The following LYRM9 variants were observed in gnomAD, a reference collection of about 807,000 sequenced individuals.
LYRM9 encodes LYR motif containing 9, also known as LYR motif-containing protein 9.
In LYRM9, 14 loss-of-function variants were observed where a neutral mutation model predicts 12.6. The ratio of observed to expected loss-of-function variants is 1.11; its 90% CI spans 0.73 to 1.73. LYRM9 has a LOEUF of 1.73. Among genes scored for constraint, LYRM9 ranks in the 40% most tolerant of loss-of-function variants. The pLI, the probability that LYRM9 is intolerant of heterozygous loss-of-function variation, is 0.00. For synonymous variants in LYRM9, 42 were observed against 35.1 expected (o/e 1.20, Z -0.69); for missense variants, 94 against 95.0 (o/e 0.99, Z 0.04).
At chr17:27,880,193 A>C (rs1357212200) in intron 3 of LYRM9, 81 bp downstream of exon 3, 5 of 1,063,666 alleles carry the variant, frequency 4.7e-6, no homozygotes. Context: ...ACTGTGGGGC[A>C]GGAGTGGCCT....
At chr17:27,888,954 C>T (rs1905328173) in intron 1 of LYRM9, among the ~76,000 whole-genome samples, 1 of 152,182 alleles carries the variant, frequency 6.6e-6, no homozygotes, top group Non-Finnish European at 1.5e-5. Flanking sequence ...CTTCCCTCAC[C>T]TCCTCCCAAG....
intron 1 of LYRM9, 189 bp from the exon 2 acceptor site, chr17:27,882,901 G>A (rs1256862959): frequency 5.8e-6 from 4 of 690,462 alleles, no homozygotes; most frequent in Non-Finnish European, 1.1e-5. Flanking sequence ...CCCAGAGCAG[G>A]CCCACAAGAC....
At chr17:27,893,157 CA>C (rs922239345) in intron 1 of LYRM9, 159 bp downstream of exon 1, 6 of 152,258 alleles carry the variant, frequency 3.9e-5, no homozygotes, top group African/African-American at 1.4e-4. Flanking sequence ...GCGCAGACCG[CA>C]AGGGAAAAGG....
Position 27,886,818 on chromosome 17 carries a change from G to A in LYRM9, c.-18-4106C>T, listed in dbSNP as rs1221076555. 4.6e-5 allele frequency among the ~76,000 whole-genome samples: 7 copies of A among 151,780 alleles called. No individual in the cohort carries two copies. The highest frequency in any genetic ancestry group is 8.8e-5 in the Non-Finnish European group (6 of 67,948). On this transcript the variant is annotated intron_variant, in intron 1 of 3. Transcript: ENST00000379102. The surrounding 1 kb of genome is among the most constrained non-coding windows in gnomAD (Gnocchi z 4.8). ...ATGCCACCACACCCAGCTAATTTTC[G>A]TATTTTTAGTAGAGATGGGGTTTCT...
At chr17:27,889,767 G>C (rs888076395) in intron 1 of LYRM9, among the ~76,000 whole-genome samples, 1 of 152,130 alleles carries the variant, frequency 6.6e-6, no homozygotes, top group South Asian at 2.1e-4. Flanking sequence ...TAAAGACAAA[G>C]AGAAAGACAG....
At chr17:27,888,710 T>C in intron 1 of LYRM9, among the ~76,000 whole-genome samples, 1 of 152,196 alleles carries the variant, frequency 6.6e-6, no homozygotes, top group East Asian at 1.9e-4. Context: ...CATGCTGTTA[T>C]TTTAACTTCC....
intron 1 of LYRM9, among the ~76,000 whole-genome samples, chr17:27,883,879 T>G (rs185769154): frequency 7.4e-6 from 1 of 134,904 alleles, no homozygotes; most frequent in Non-Finnish European, 1.5e-5. Context: ...AAGGCTGTAT[T>G]GAGGTATAGT....
At chr17:27,879,932 A>G in intron 3 of LYRM9, 1 of 600,724 alleles carries the variant, frequency 1.7e-6, no homozygotes, top group Non-Finnish European at 3.0e-6. Flanking sequence ...CCCCGCCAGG[A>G]CAGCTTCCCT....
At chr17:27,889,606 T>C (rs1011744112) in intron 1 of LYRM9, among the ~76,000 whole-genome samples, 2 of 152,288 alleles carry the variant, frequency 1.3e-5, no homozygotes, top group South Asian at 2.1e-4. Flanking sequence ...CCCGGCTCCA[T>C]GAGCTGTTCT....
At chr17:27,885,006 C>T (rs1905187569) in intron 1 of LYRM9, among the ~76,000 whole-genome samples, 2 of 152,166 alleles carry the variant, frequency 1.3e-5, no homozygotes, top group Non-Finnish European at 2.9e-5. Flanking sequence ...CTACGTTAGC[C>T]AATTCCTCCT....
At chr17:27,891,639 T>C (rs371023959) in intron 1 of LYRM9, among the ~76,000 whole-genome samples, 4 of 152,208 alleles carry the variant, frequency 2.6e-5, no homozygotes, top group Non-Finnish European at 5.9e-5. Flanking sequence ...TTCACACCCC[T>C]ATTACAGTCA....
chr17:27,879,613 G>T, intron 3 of LYRM9, 123 bp from the exon 4 acceptor site: 1 of 1,061,610 alleles, frequency 9.4e-7, no homozygotes, highest in Non-Finnish European at 1.3e-6. Context: ...CTTGGAGGTG[G>T]TGAAACCCAA....
intron 1 of LYRM9, among the ~76,000 whole-genome samples, chr17:27,885,953 TTCC>T (rs1905218999): frequency 6.6e-6 from 1 of 151,964 alleles, no homozygotes; most frequent in South Asian, 2.1e-4. Context: ...GCTTCTCAAG[TTCC>T]TCCTGCTATC....
At chr17:27,890,100 G>C (rs1402172057) in intron 1 of LYRM9, among the ~76,000 whole-genome samples, 1 of 152,224 alleles carries the variant, frequency 6.6e-6, no homozygotes, top group African/African-American at 2.4e-5. Context: ...GGCTAGTATA[G>C]AGCAAGGCCC....
At chr17:27,879,870 G>A (rs4796206) in intron 3 of LYRM9, 1 of 572,438 alleles carries the variant, frequency 1.7e-6, no homozygotes, top group Non-Finnish European at 3.1e-6. Flanking sequence ...CATACTGAAT[G>A]TTTCCTCCAT....
chr17:27,884,433 A>G (rs1281601025), intron 1 of LYRM9, among the ~76,000 whole-genome samples: 2 of 152,136 alleles, frequency 1.3e-5, no homozygotes, highest in African/African-American at 4.8e-5. Flanking sequence ...GACCCCTCAA[A>G]CCACCAAATG....
At chr17:27,889,708 T>C (rs1481063477) in intron 1 of LYRM9, among the ~76,000 whole-genome samples, 2 of 152,094 alleles carry the variant, frequency 1.3e-5, no homozygotes, top group African/African-American at 4.8e-5. Flanking sequence ...TCAACTCAAT[T>C]CAACAAAATA....
At chr17:27,889,748 A>C (rs1002049875) in intron 1 of LYRM9, among the ~76,000 whole-genome samples, 3 of 152,182 alleles carry the variant, frequency 2.0e-5, no homozygotes, top group African/African-American at 7.2e-5. Flanking sequence ...ACCCCAGGTA[A>C]ACACAGGGTA....
intron 1 of LYRM9, among the ~76,000 whole-genome samples, chr17:27,887,711 A>AGGGG (rs199628365): frequency 6.7e-4 from 68 of 100,996 alleles, no homozygotes; most frequent in African/African-American, 1.5e-3. Flanking sequence ...TATAGGAGGG[A>AGGGG]GGGTGTGTGT....
Sources: allele counts gnomAD v4.1 joint callset (sites outside exome capture counted in the v4.1 genomes callset), GRCh38; gene constraint gnomAD v4.1.1; non-coding constraint Gnocchi (gnomAD v3.1); transcripts MANE v1.5; gene names NCBI Gene and HGNC (gene_info 2026-07-23, HGNC 2026-07-21).